PKHD1: variants seen among roughly 807,000 people sequenced by gnomAD.
PKHD1 encodes the protein fibrocystin.
Under a neutral mutation model 412.0 loss-of-function variants are expected in PKHD1, and 291 were observed. The observed-to-expected ratio is 0.71, with a 90% CI of 0.64 to 0.78. The LOEUF (loss-of-function observed/expected upper bound fraction) is 0.78, where lower values mean the gene tolerates loss of function less well. PKHD1 is among the 30% of genes least tolerant of loss of function. PKHD1 has a pLI of 0.00. For synonymous variants in PKHD1, 1,777 were observed against 1,821.5 expected, an observed-to-expected ratio of 0.98 and a Z score of 0.62; for missense variants, 4,825 against 4,950.7, an observed-to-expected ratio of 0.97 and a Z score of 0.76.
chr6:51,802,644 T>A (rs1763110577), intron 52 of PKHD1, among the ~76,000 whole-genome samples: 1 of 151,602 alleles, frequency 6.6e-6, no homozygotes, highest in Non-Finnish European at 1.5e-5. Context: ...TATTTTGTAC[T>A]TTTACCCTGA....
At chr6:51,960,387 C>T (rs1369680578) in intron 35 of PKHD1, among the ~76,000 whole-genome samples, 1 of 151,998 alleles carries the variant, frequency 6.6e-6, no homozygotes, top group African/African-American at 2.4e-5. Context: ...CCCATTCTAC[C>T]TAACAGATGA....
chr6:52,051,388 G>A (rs2128199367), intron 21 of PKHD1, among the ~76,000 whole-genome samples: 1 of 152,342 alleles, frequency 6.6e-6, no homozygotes, highest in East Asian at 1.9e-4. Flanking sequence ...ATTGAGATCA[G>A]ATAAATGATA....
rs1195988836 is a variant in PKHD1, at chr6:51,901,188, A to G, written c.6996+2409T>C. 4.6e-5 allele frequency among the ~76,000 whole-genome samples: 7 copies of G among 152,250 alleles called. No homozygotes were observed. In the East Asian group the frequency reaches 9.6e-4, roughly 21 times the overall value. On this transcript the variant is annotated intron_variant, in intron 43 of 66. Coordinates refer to ENST00000371117, the MANE Select transcript of PKHD1 (RefSeq NM_138694.4). The stretch of plus-strand genomic sequence containing the variant: ...ACTGGGTATATAAACCCAAAGGACT[A>G]TAAATCATGCTGCTATAAAGACACA...
chr6:51,903,718 C>G lies in PKHD1; in HGVS notation c.6875G>C (p.Gly2292Ala). The G allele has an allele frequency of 6.2e-7, 1 of 1,610,516 alleles. No homozygotes were observed. Among genetic ancestry groups the G allele is most frequent in the Non-Finnish European group, 8.5e-7 (1 of 1,177,672 alleles). ...AIHGRKDDWS[G>A]HGNIIRNNVI... The stretch of plus-strand genomic sequence containing the variant: ...GTTGTTTCTTATTATATTTCCATGT[C>G]CTGACCAGTCTAATGTTTCAACAAA... Residue 2292 changes from glycine (G) to alanine (A), a missense_variant, in exon 43 of 67, where the codon GGA becomes GCA. By Grantham distance (60) the Gly-to-Ala change is moderately conservative. Transcript: ENST00000371117.
intron 54 of PKHD1, among the ~76,000 whole-genome samples, chr6:51,775,399 T>C (rs1426156989): frequency 1.3e-5 from 2 of 151,950 alleles, no homozygotes; most frequent in Admixed American, 1.3e-4. Flanking sequence ...GCATTTGGTA[T>C]TGTGGCAATA....
chr6:51,732,213 A>T (rs924434707), intron 60 of PKHD1, among the ~76,000 whole-genome samples: 1 of 152,142 alleles, frequency 6.6e-6, no homozygotes, highest in African/African-American at 2.4e-5. Flanking sequence ...ACTGTTCTGG[A>T]TGGTTAATAT....
In PKHD1 at chr6:52,046,123, T is replaced by G. The variant is rs1376391300; in HGVS notation, c.2473A>C (p.Thr825Pro). 3 of 1,613,630 alleles carry G rather than the reference T, an allele frequency of 1.9e-6. No homozygotes were observed. The change falls in exon 24 of 67, where the codon ACA becomes CCA. Residue 825 changes from threonine (T) to proline (P), a missense_variant. Thr to Pro is a conservative substitution (Grantham distance 38). Coordinates refer to ENST00000371117, the MANE Select transcript of PKHD1 (RefSeq NM_138694.4). The part of the protein sequence containing the change: ...QLLQNNADDF[T>P]SRYLNASDFT... ...TCACTGGCATTGAGGTACCTGGATG[T>G]GAAGTCATCGGCATTATTCTGTAAG... is the stretch of plus-strand genomic sequence containing the variant.
intron 52 of PKHD1, among the ~76,000 whole-genome samples, chr6:51,817,618 C>T (rs1161078824): frequency 6.6e-6 from 1 of 152,156 alleles, no homozygotes; most frequent in African/African-American, 2.4e-5. Context: ...ACACGTTCAC[C>T]GATTATGAAT....
intron 4 of PKHD1, among the ~76,000 whole-genome samples, 165 bp downstream of exon 4, chr6:52,082,227 C>T (rs1054815799): frequency 6.6e-6 from 1 of 152,178 alleles, no homozygotes; most frequent in Non-Finnish European, 1.5e-5. Context: ...GTTCTAGACC[C>T]CAGATAGGGA....
chr6:52,035,662 C>A lies in PKHD1; in HGVS notation c.3157G>T (p.Gly1053Ter), dbSNP rs1322231013. 6.2e-7 allele frequency: 1 copy of A among 1,613,744 alleles called. No homozygotes were observed. The highest frequency in any genetic ancestry group is 1.3e-5 in the African/African-American group (1 of 74,878). ...SLEGVSLILF[G>*]SYSCAINVAT... ...ACATTGATGGCACACGAGTAAGATCCAAATAATATCAGGCTAACACCTTCC... is the reference window on the plus strand; with the variant it reads ...ACATTGATGGCACACGAGTAAGATCAAAATAATATCAGGCTAACACCTTCC... Residue 1053 changes from glycine (G) to a stop codon, truncating the protein, a stop_gained, in exon 28 of 67, where the codon GGA becomes TGA. Coordinates refer to ENST00000371117, the MANE Select transcript of PKHD1 (RefSeq NM_138694.4). LOFTEE classifies it high-confidence loss of function.
chr6:52,062,437 T>C, intron 14 of PKHD1, 82 bp downstream of exon 14: 1 of 1,380,646 alleles, frequency 7.2e-7, no homozygotes, highest in South Asian at 1.2e-5. Context: ...GAAATCTTGA[T>C]ACCTTCCTTA....
intron 6 of PKHD1, among the ~76,000 whole-genome samples, chr6:52,074,403 G>A (rs1365416680): frequency 1.3e-5 from 2 of 152,160 alleles, no homozygotes; most frequent in Non-Finnish European, 2.9e-5. Flanking sequence ...CCTAATGACA[G>A]GCAAAGGTCA....
chr6:51,911,762 T>C (rs770589466), intron 39 of PKHD1, 37 bp downstream of exon 39: 92 of 1,572,594 alleles, frequency 5.9e-5, no homozygotes, highest in Non-Finnish European at 7.9e-5. Flanking sequence ...AATATTCTTT[T>C]TTGCTCATTA....
rs1810570463 is a variant in PKHD1, at chr6:52,071,262, C to A, written c.603-192G>T. Among the ~76,000 whole-genome samples the A allele has an allele frequency of 2.0e-5, 3 of 151,404 alleles. No homozygotes were observed. In the South Asian group the frequency reaches 6.3e-4, roughly 32 times the overall value. ...TAACTAGTATTACCCTTTATATATA[C>A]TAGTTAGTAATACCCTAAGCATTTG... On this transcript the variant is annotated intron_variant, in intron 8 of 66. Transcript: ENST00000371117.
At chr6:52,039,083 G>A (rs1323602484) in intron 27 of PKHD1, among the ~76,000 whole-genome samples, 1 of 152,116 alleles carries the variant, frequency 6.6e-6, no homozygotes, top group Non-Finnish European at 1.5e-5. Context: ...ATTTGAATAA[G>A]CATTTCTACA....
intron 60 of PKHD1, among the ~76,000 whole-genome samples, chr6:51,738,857 C>A (rs959782046): frequency 1.2e-4 from 18 of 151,996 alleles, no homozygotes; most frequent in African/African-American, 4.3e-4. Context: ...AGGCACTCCT[C>A]ACTCCCCATT....
chr6:51,870,726 G>T, intron 46 of PKHD1, 87 bp from the exon 47 acceptor site: 1 of 1,090,926 alleles, frequency 9.2e-7, no homozygotes, highest in Non-Finnish European at 1.4e-6. Flanking sequence ...TAAAAACAAA[G>T]ATAAAAAAGC....
At position 51,790,817 on chromosome 6, in the gene PKHD1, G is replaced by C. The variant is rs184838937; in HGVS notation, c.8440+419C>G. On this transcript the variant is annotated intron_variant, in intron 53 of 66. Transcript: ENST00000371117. ...TTTGCTTTCAAGTCTGTTTTCCCAG[G>C]AAATTATGTTAAGACAACAATTGAA... is the stretch of plus-strand genomic sequence containing the variant. 4.6e-5 allele frequency among the ~76,000 whole-genome samples: 7 copies of C among 152,266 alleles called. No homozygotes were observed. In the East Asian group the frequency reaches 1.4e-3, roughly 29 times the overall value.
At chr6:51,937,341 T>A (rs936813194) in intron 36 of PKHD1, among the ~76,000 whole-genome samples, 1 of 152,190 alleles carries the variant, frequency 6.6e-6, no homozygotes, top group African/African-American at 2.4e-5. Context: ...AGCCTGACCA[T>A]CTTGGGCACA....
Sources: gnomAD v4.1 joint callset for allele counts (sites outside exome capture counted in the v4.1 genomes callset) on GRCh38, gnomAD v4.1.1 for gene constraint, MANE v1.5 for transcripts, NCBI Gene and HGNC (gene_info 2026-07-23, HGNC 2026-07-21) for gene names.